The following PRPH2 variants were observed in gnomAD, a reference collection of about 807,000 sequenced individuals.
The protein encoded by PRPH2 is peripherin-2.
A neutral mutation model predicts 31.3 loss-of-function variants in PRPH2; 17 were observed. The observed-to-expected ratio is 0.54, with a 90% CI of 0.37 to 0.81. The LOEUF (loss-of-function observed/expected upper bound fraction) is 0.81. PRPH2 is among the 40% of genes least tolerant of loss of function. The pLI, the probability that PRPH2 is intolerant of heterozygous loss-of-function variation, is 0.00. For missense variants in PRPH2, 430 were observed against 439.7 expected (o/e 0.98, Z 0.20); for synonymous variants, 165 against 184.4 (o/e 0.89, Z 0.85).
In PRPH2 at chr6:42,710,451, A is replaced by G. The variant is rs189080894; in HGVS notation, c.582-5840T>C. Among the ~76,000 whole-genome samples, 134 of 152,246 alleles carry G rather than the reference A, an allele frequency of 8.8e-4. 1 individual carries two copies. In the East Asian group the frequency reaches 0.023, roughly 26 times the overall value. On this transcript the variant is annotated intron_variant, in intron 1 of 2. Coordinates refer to ENST00000230381, the MANE Select transcript of PRPH2 (RefSeq NM_000322.5). Reference sequence around the variant, plus strand: ...CCTGGGGTCTCTCACTTCTGGAGCTATCCCTCCCCCACTCCAAACATCATC... The same window carrying G: ...CCTGGGGTCTCTCACTTCTGGAGCTGTCCCTCCCCCACTCCAAACATCATC...
At chr6:42,700,830 C>A (rs1404464806) in intron 2 of PRPH2, among the ~76,000 whole-genome samples, 1 of 152,170 alleles carries the variant, frequency 6.6e-6, no homozygotes. Context: ...CCCATCAGAC[C>A]TCTGTCCATT....
At chr6:42,721,604 C>T (rs1244845856) in intron 1 of PRPH2, 150 bp downstream of exon 1, 4 of 947,776 alleles carry the variant, frequency 4.2e-6, no homozygotes, top group South Asian at 1.3e-5. Context: ...TATGGTTCCA[C>T]CTGATACACC....
chr6:42,704,359 G>GCCTA lies in PRPH2; in HGVS notation c.828+2_828+5dup. 6.2e-7 allele frequency: 1 copy of GCCTA among 1,606,964 alleles called. No homozygotes were observed. On this transcript the variant is annotated splice_donor_region_variant and intron_variant, in intron 2 of 2. Transcript: ENST00000230381. ...ACCCTCTACCCCCAGCTGGCCCAGG[G>GCCTA]CCTACCTCGAAGAGCCAAATGAGGA...
At chr6:42,702,717 A>G (rs2152004789) in intron 2 of PRPH2, among the ~76,000 whole-genome samples, 1 of 151,470 alleles carries the variant, frequency 6.6e-6, no homozygotes. Context: ...TAAAAATACA[A>G]AAACTGGCTA....
rs185271451 is a variant in PRPH2 at position 42,717,094 on chromosome 6, C to T, written c.581+4660G>A. Among the ~76,000 whole-genome samples the T allele has an allele frequency of 6.5e-4, 96 of 147,292 alleles. 1 individual carries two copies. The East Asian group carries it at 0.015, about 24-fold the overall frequency. ...AGTGCTAGGATTACAAGCATGAGCC[C>T]GCACCTGGCCAAGAATTTCTTTTAA... On this transcript the variant is annotated intron_variant, in intron 1 of 2. Coordinates refer to ENST00000230381, the MANE Select transcript of PRPH2 (RefSeq NM_000322.5).
chr6:42,719,697 G>C (rs1761860874), intron 1 of PRPH2, among the ~76,000 whole-genome samples: 1 of 151,436 alleles, frequency 6.6e-6, no homozygotes, highest in African/African-American at 2.4e-5. Context: ...AGCCTCCTGA[G>C]TAGCTGGGAT....
At chr6:42,712,689 T>A (rs1761689982) in intron 1 of PRPH2, among the ~76,000 whole-genome samples, 1 of 151,382 alleles carries the variant, frequency 6.6e-6, no homozygotes, top group Non-Finnish European at 1.5e-5. Flanking sequence ...AGTGCTGGGA[T>A]TACAGGCATG....
intron 2 of PRPH2, among the ~76,000 whole-genome samples, chr6:42,699,639 T>C (rs774829094): frequency 9.9e-5 from 15 of 152,152 alleles, no homozygotes; most frequent in Non-Finnish European, 1.9e-4. Flanking sequence ...ATCCCGGCAC[T>C]TTGGGAGGCC....
At position 42,721,926 on chromosome 6, in the gene PRPH2, C is replaced by G. The variant is rs781256236; in HGVS notation, c.409G>C (p.Gly137Arg). 6 of 1,614,056 alleles carry G rather than the reference C, an allele frequency of 3.7e-6. No individual in the cohort carries two copies. The East Asian group carries it at 8.9e-5, about 24-fold the overall frequency. The change falls in exon 1 of 3, where the codon GGC becomes CGC. Residue 137 changes from glycine (G) to arginine (R), a missense_variant. Physicochemically the swap from Gly to Arg is moderately radical, Grantham distance 125 (BLOSUM62 -2). Coordinates refer to ENST00000230381, the MANE Select transcript of PRPH2 (RefSeq NM_000322.5). ...ENTLGQGLKN[G>R]MKYYRDTDTP... Reference sequence around the variant, plus strand: ...TCTGTGTCCCGGTAGTACTTCATGCCGTTCTTGAGCCCTTGGCCCAGGGTG... The same window carrying G: ...TCTGTGTCCCGGTAGTACTTCATGCGGTTCTTGAGCCCTTGGCCCAGGGTG...
chr6:42,708,016 G>A (rs530154106), intron 1 of PRPH2, among the ~76,000 whole-genome samples: 6 of 152,332 alleles, frequency 3.9e-5, no homozygotes, highest in African/African-American at 1.2e-4. Context: ...ATGTAAGAGT[G>A]CTTGAAGAGT....
At chr6:42,699,813 A>G (rs1800015792) in intron 2 of PRPH2, among the ~76,000 whole-genome samples, 1 of 152,060 alleles carries the variant, frequency 6.6e-6, no homozygotes, top group South Asian at 2.1e-4. Context: ...AGATGGGAGG[A>G]TCTCATGAGC....
rs1427855892 is a variant in PRPH2, at chr6:42,696,778, C to T, written c.*1517G>A. On this transcript the variant is annotated 3_prime_UTR_variant, in exon 3 of 3. Coordinates refer to ENST00000230381, the MANE Select transcript of PRPH2 (RefSeq NM_000322.5). ...TTTTCAGTATGGATCATTCCTTGGCCTCAACGAGATTCAGAAATCTAATTA... is the reference window on the plus strand; with the variant it reads ...TTTTCAGTATGGATCATTCCTTGGCTTCAACGAGATTCAGAAATCTAATTA... 1.3e-5 allele frequency: 2 copies of T among 151,980 alleles called. No individual in the cohort carries two copies. Among genetic ancestry groups the T allele is most frequent in the Non-Finnish European group, 2.9e-5 (2 of 68,006 alleles). 9.4% of individuals were successfully genotyped at this position (151,980 alleles called of 1,614,324 possible).
rs1048891118 is a variant in PRPH2, at chr6:42,716,626, T to G, written c.581+5128A>C. On this transcript the variant is annotated intron_variant, in intron 1 of 2. Coordinates refer to ENST00000230381, the MANE Select transcript of PRPH2 (RefSeq NM_000322.5). ...TGGTTTGGTTGGTTTTTTTTTTTTT[T>G]TTTTTTTTTTTGAGATGAAGTTTCG... is the stretch of plus-strand genomic sequence containing the variant. Among the ~76,000 whole-genome samples, 18 of 146,512 alleles carry G rather than the reference T, an allele frequency of 1.2e-4. 1 individual carries two copies. The South Asian group carries it at 1.3e-3, about 11-fold the overall frequency.
rs1799962558 is a variant in PRPH2, at chr6:42,697,423, C to T, written c.*872G>A. The T allele has an allele frequency of 6.6e-6, 1 of 152,212 alleles. No homozygotes were observed. Among genetic ancestry groups the T allele is most frequent in the East Asian group, 1.9e-4 (1 of 5,188 alleles). The allele number at this position is 152,212 out of a possible 1,614,324, so 9.4% of individuals were successfully genotyped here. A position where few individuals can be genotyped will look rare whatever the true frequency, so the allele number is the denominator to read the frequency against. On this transcript the variant is annotated 3_prime_UTR_variant, in exon 3 of 3. Transcript: ENST00000230381. The stretch of plus-strand genomic sequence containing the variant: ...GGCCCACCAAGAGCTGAGGCCTGGT[C>T]TCCAAAGGGTGGACTCATGTCTGAT...
chr6:42,711,727 T>C (rs1484584162), intron 1 of PRPH2: 1 of 979,012 alleles, frequency 1.0e-6, no homozygotes, highest in Non-Finnish European at 1.2e-6. Flanking sequence ...TTGAGATGTC[T>C]ACGAATTGTT....
intron 1 of PRPH2, among the ~76,000 whole-genome samples, chr6:42,718,558 A>C (rs1225525712): frequency 6.6e-6 from 1 of 152,142 alleles, no homozygotes; most frequent in Non-Finnish European, 1.5e-5. Context: ...GCACCCTTGG[A>C]AGAACACGTA....
intron 2 of PRPH2, among the ~76,000 whole-genome samples, chr6:42,702,595 G>A (rs1162386628): frequency 6.6e-6 from 1 of 152,136 alleles, no homozygotes; most frequent in Non-Finnish European, 1.5e-5. Flanking sequence ...CACGTGTGGT[G>A]GCTCACGCCT....
In PRPH2 at chr6:42,697,612, T is replaced by G. The variant is rs1799969798; in HGVS notation, c.*683A>C. The G allele has an allele frequency of 6.6e-6, 1 of 152,402 alleles. No individual in the cohort carries two copies. The highest frequency in any genetic ancestry group is 1.5e-5 in the Non-Finnish European group (1 of 68,236). The allele number at this position is 152,402 out of a possible 1,614,324, so 9.4% of individuals were successfully genotyped here. On this transcript the variant is annotated 3_prime_UTR_variant, in exon 3 of 3. Coordinates refer to ENST00000230381, the MANE Select transcript of PRPH2 (RefSeq NM_000322.5). ...TCCAGACTCAGTGACCGAGGGCATG[T>G]GAATGGGACACAAAAGCAGGCCTTT...
At chr6:42,709,181 T>C (rs1014314563) in intron 1 of PRPH2, among the ~76,000 whole-genome samples, 1 of 151,328 alleles carries the variant, frequency 6.6e-6, no homozygotes, top group Admixed American at 6.6e-5. Context: ...ATACAAAAAA[T>C]TAGCCGGGCG....
Sources: gnomAD v4.1 joint callset for allele counts (sites outside exome capture counted in the v4.1 genomes callset) on GRCh38, gnomAD v4.1.1 for gene constraint, MANE v1.5 for transcripts, NCBI Gene and HGNC (gene_info 2026-07-23, HGNC 2026-07-21) for gene names.